The following PC variants were observed in gnomAD, a reference collection of about 807,000 sequenced individuals.
PC encodes pyruvate carboxylase, mitochondrial.
In PC, 46 loss-of-function variants were observed where a neutral mutation model predicts 107.8. That is an observed-to-expected ratio of 0.43 (90% CI 0.34 to 0.55). The LOEUF is 0.55. PC is among the 20% of genes least tolerant of loss of function. The probability of loss-of-function intolerance (pLI) is 0.04; values close to 1 mark genes in which losing one functional copy is unlikely to be tolerated. For synonymous variants in PC, 662 were observed against 684.7 expected, an observed-to-expected ratio of 0.97 and a Z score of 0.52; for missense variants, 1,241 against 1,643.1, an observed-to-expected ratio of 0.76 and a Z score of 4.23.
chr11:66,858,935 C>T lies in PC; in HGVS notation c.1368+4839G>A, dbSNP rs200734989. 34 of 1,575,618 alleles carry T rather than the reference C, an allele frequency of 2.2e-5. No individual in the cohort carries two copies. Among genetic ancestry groups the T allele is most frequent in the Admixed American group, 1.6e-4 (9 of 56,916 alleles). Reference sequence around the variant, plus strand: ...TCGCCGCCTCCGCTCGCACTGCTGCCGAGGGTGAGGGGACGCTGGAGTCTG... The same window carrying T: ...TCGCCGCCTCCGCTCGCACTGCTGCTGAGGGTGAGGGGACGCTGGAGTCTG... On this transcript the variant is annotated intron_variant, in intron 12 of 22. Coordinates refer to ENST00000393960, the MANE Select transcript of PC (RefSeq NM_001040716.2). The surrounding 1 kb of genome is among the most constrained non-coding windows in gnomAD (Gnocchi z 5.9).
chr11:66,891,965 T>C (rs1001983630), intron 3 of PC, among the ~76,000 whole-genome samples: 10 of 152,222 alleles, frequency 6.6e-5, no homozygotes, highest in African/African-American at 2.2e-4. Context: ...TTCACATCAT[T>C]TGCCCACTTT....
chr11:66,947,994 G>A (rs1949341609), intron 3 of PC, among the ~76,000 whole-genome samples: 2 of 146,694 alleles, frequency 1.4e-5, no homozygotes, highest in Non-Finnish European at 3.0e-5. Context: ...GCAACATACC[G>A]AGATCTCATC....
intron 3 of PC, among the ~76,000 whole-genome samples, chr11:66,888,700 C>T (rs1257895478): frequency 6.6e-6 from 1 of 152,230 alleles, no homozygotes; most frequent in Non-Finnish European, 1.5e-5. Context: ...GGATGAACAT[C>T]AACTCCAGGA....
Position 66,853,334 on chromosome 11 carries a change from GC to G in PC, c.1417del (p.Ala473GlnfsTer37). ...QNVLNNQQFL[A>X]GTVDTQFIDE... is the part of the protein sequence containing the mutation. ...GATGAACTGGGTGTCCACAGTGCCT[GC>G]CAGGAACTGCTGGTTGTTGAGCACA... On this transcript the variant is annotated frameshift_variant, in exon 13 of 23. Coordinates refer to ENST00000393960, the MANE Select transcript of PC (RefSeq NM_001040716.2). LOFTEE classifies it high-confidence loss of function. 1.2e-6 allele frequency: 2 copies of G among 1,614,110 alleles called. No individual in the cohort carries two copies. The highest frequency in any genetic ancestry group is 1.7e-6 in the Non-Finnish European group (2 of 1,179,988).
chr11:66,873,965 T>C (rs967396789), intron 3 of PC, among the ~76,000 whole-genome samples: 1 of 151,022 alleles, frequency 6.6e-6, no homozygotes, highest in Non-Finnish European at 1.5e-5. Context: ...TTTTCTTTTT[T>C]CTTTTTTTTT....
intron 3 of PC, among the ~76,000 whole-genome samples, chr11:66,909,260 C>T (rs949742957): frequency 6.6e-6 from 1 of 152,272 alleles, no homozygotes; most frequent in South Asian, 2.1e-4. Context: ...GGTGTGGGGC[C>T]AGAGCTGGAG....
At chr11:66,863,402 C>T (rs1258766616) in intron 12 of PC, among the ~76,000 whole-genome samples, 1 of 152,198 alleles carries the variant, frequency 6.6e-6, no homozygotes, top group Non-Finnish European at 1.5e-5. Flanking sequence ...TCTACCCAAA[C>T]CTGTGGGATC....
chr11:66,874,149 A>G (rs11828542), intron 3 of PC, among the ~76,000 whole-genome samples: 4,363 of 152,188 alleles, frequency 0.029, 94 homozygotes, highest in African/African-American at 0.049. Flanking sequence ...TAGTAGAGAC[A>G]GGGTTTCACC....
intron 3 of PC, among the ~76,000 whole-genome samples, chr11:66,883,382 G>A (rs567564422): frequency 3.2e-4 from 48 of 152,182 alleles, no homozygotes. Context: ...CCTGCAGCAC[G>A]GGGTGTGGGC....
At position 66,851,125 on chromosome 11, in the gene PC, G is replaced by A; in HGVS notation, c.2138C>T (p.Pro713Leu). 1 of 1,612,986 alleles carries A rather than the reference G, an allele frequency of 6.2e-7. No individual in the cohort carries two copies. The highest frequency in any genetic ancestry group is 8.5e-7 in the Non-Finnish European group (1 of 1,180,012). ...AISYTGDVAD[P>L]SRTKYSLQYY... ...CTGCAGTGAGTACTTGGTGCGGCTG[G>A]GGTCGGCCACGTCGCCCGTGTATGA... is the stretch of plus-strand genomic sequence containing the variant. The change falls in exon 17 of 23, where the codon CCC becomes CTC. Residue 713 changes from proline to leucine, a missense_variant. This residue lies in a region of PC where 1,143 missense variants were observed against 1,551.9 expected (regional missense o/e 0.74). Transcript: ENST00000393960.
Position 66,871,830 on chromosome 11 carries a change from C to T in PC, c.178G>A (p.Gly60Ser). 1 of 1,609,000 alleles carries T rather than the reference C, an allele frequency of 6.2e-7. No individual in the cohort carries two copies. Among genetic ancestry groups the T allele is most frequent in the Non-Finnish European group, 8.5e-7 (1 of 1,179,646 alleles). ...IRVFRACTEL[G>S]IRTVAIYSEQ... ...GAGTAGATGGCTACGGTGCGGATGC[C>T]CAGCTCCGTGCAGGCCCGGAACACA... The change falls in exon 5 of 23, where the codon GGC becomes AGC. Residue 60 changes from glycine to serine, a missense_variant. Around this residue, in one of 2 missense-constraint regions of PC, gnomAD observed 1,143 missense variants for 1,551.9 expected, o/e 0.74. Transcript: ENST00000393960. The surrounding 1 kb of genome is among the most constrained non-coding windows in gnomAD (Gnocchi z 7.4).
intron 3 of PC, among the ~76,000 whole-genome samples, chr11:66,951,274 C>T (rs1452037711): frequency 6.6e-6 from 1 of 152,192 alleles, no homozygotes; most frequent in Non-Finnish European, 1.5e-5. Flanking sequence ...AAGGGAAGAG[C>T]ATTATTGTTG....
chr11:66,872,957 A>G (rs1946801076), intron 3 of PC, among the ~76,000 whole-genome samples: 1 of 151,622 alleles, frequency 6.6e-6, no homozygotes, highest in African/African-American at 2.4e-5. Context: ...GAATCGCTTG[A>G]ACCTAGAAGA....
At chr11:66,869,256 G>T (rs574129459) in intron 9 of PC, among the ~76,000 whole-genome samples, 1 of 152,030 alleles carries the variant, frequency 6.6e-6, no homozygotes, top group East Asian at 1.9e-4. Flanking sequence ...TCCCAGGCTC[G>T]GCACCTTGCC....
intron 3 of PC, among the ~76,000 whole-genome samples, chr11:66,874,451 G>C (rs1189722582): frequency 6.6e-6 from 1 of 151,846 alleles, no homozygotes; most frequent in Non-Finnish European, 1.5e-5. Context: ...TTTAAGTAAG[G>C]AACATAAAAA....
intron 10 of PC, among the ~76,000 whole-genome samples, chr11:66,867,799 G>A (rs895526784): frequency 1.3e-5 from 2 of 152,214 alleles, no homozygotes; most frequent in South Asian, 2.1e-4. Flanking sequence ...AGTCTCACTC[G>A]GCCAAAGTGT....
intron 12 of PC, among the ~76,000 whole-genome samples, chr11:66,861,694 G>T (rs1244137643): frequency 6.6e-6 from 1 of 152,112 alleles, no homozygotes; most frequent in Non-Finnish European, 1.5e-5. Flanking sequence ...GGGCTGCCAC[G>T]CTGGGCGCTA....
intron 3 of PC, among the ~76,000 whole-genome samples, chr11:66,921,910 T>C (rs546464974): frequency 6.6e-6 from 1 of 152,340 alleles, no homozygotes; most frequent in Admixed American, 6.5e-5. Flanking sequence ...ACTTTGGAAC[T>C]GTCCCTGAGA....
rs1380808099 is a variant in PC, at chr11:66,857,599, T to A, written c.1369-4216A>T. On this transcript the variant is annotated intron_variant, in intron 12 of 22. Transcript: ENST00000393960. This position sits in a 1 kb window ranked among gnomAD's most constrained non-coding sequence, Gnocchi z 7.1. Reference sequence around the variant, plus strand: ...GCAGGCCCCAACCTTCCCTCATCTCTGGCGGCCCTCTTGGGCCTCTGACCC... The same window carrying A: ...GCAGGCCCCAACCTTCCCTCATCTCAGGCGGCCCTCTTGGGCCTCTGACCC... The A allele has an allele frequency of 3.6e-6, 3 of 833,202 alleles. No homozygotes were observed. Among genetic ancestry groups the A allele is most frequent in the East Asian group, 5.4e-5 (2 of 36,898 alleles). 51.6% of individuals were successfully genotyped at this position (833,202 alleles called of 1,614,324 possible). A position where few individuals can be genotyped will look rare whatever the true frequency, so the allele number is the denominator to read the frequency against.
Sources: gnomAD v4.1 joint callset for allele counts (sites outside exome capture counted in the v4.1 genomes callset) on GRCh38, gnomAD v4.1.1 for gene constraint, gnomAD v4.1.1 regional missense constraint, Gnocchi (gnomAD v3.1) non-coding constraint, MANE v1.5 for transcripts, NCBI Gene and HGNC (gene_info 2026-07-23, HGNC 2026-07-21) for gene names.